Variants in SLC6A11 observed in about 807,000 individuals in gnomAD.
SLC6A11 encodes the protein solute carrier family 6 member 11, also known as sodium- and chloride-dependent GABA transporter 3.
Under a neutral mutation model 74.8 loss-of-function variants are expected in SLC6A11, and 25 were observed. The ratio of observed to expected loss-of-function variants is 0.33; its 90% CI spans 0.24 to 0.47. The LOEUF (loss-of-function observed/expected upper bound fraction) is 0.47, where lower values mean the gene tolerates loss of function less well. Among genes scored for constraint, SLC6A11 ranks in the 20% least tolerant of loss-of-function variants. The pLI, the probability that SLC6A11 is intolerant of heterozygous loss-of-function variation, is 1.00. For missense variants in SLC6A11, 574 were observed against 837.0 expected, an observed-to-expected ratio of 0.69 and a Z score of 3.88; for synonymous variants, 330 against 330.2, an observed-to-expected ratio of 1.00 and a Z score of 0.01.
At chr3:10,881,653 C>G (rs1243902092) in intron 6 of SLC6A11, among the ~76,000 whole-genome samples, 1 of 152,210 alleles carries the variant, frequency 6.6e-6, no homozygotes, top group East Asian at 1.9e-4. Context: ...GAGTTCACTT[C>G]TCTGCAAACA....
At chr3:10,838,503 C>G (rs1322979278) in intron 4 of SLC6A11, among the ~76,000 whole-genome samples, 1 of 152,190 alleles carries the variant, frequency 6.6e-6, no homozygotes, top group Non-Finnish European at 1.5e-5. Context: ...AATCTCAGCA[C>G]TTTGGGAAGC....
intron 6 of SLC6A11, among the ~76,000 whole-genome samples, chr3:10,879,909 C>T (rs902814824): frequency 1.1e-4 from 16 of 152,070 alleles, no homozygotes; most frequent in African/African-American, 3.6e-4. Flanking sequence ...TCAGATTAGA[C>T]ATACTCAACC....
chr3:10,845,673 G>C (rs1244065427), intron 5 of SLC6A11, among the ~76,000 whole-genome samples: 6 of 152,144 alleles, frequency 3.9e-5, no homozygotes, highest in African/African-American at 1.4e-4. Context: ...TCCATGCTAC[G>C]GGCTATCTGG....
At chr3:10,877,798 G>C (rs1230760521) in intron 6 of SLC6A11, among the ~76,000 whole-genome samples, 1 of 152,186 alleles carries the variant, frequency 6.6e-6, no homozygotes, top group Non-Finnish European at 1.5e-5. Context: ...CATTGGGCCT[G>C]CTCTGTTGAC....
chr3:10,928,020 C>T (rs2106633565), intron 9 of SLC6A11, among the ~76,000 whole-genome samples: 1 of 152,272 alleles, frequency 6.6e-6, no homozygotes, highest in South Asian at 2.1e-4. Flanking sequence ...CCTGGGTGAC[C>T]TTGGGTAAAT....
At chr3:10,850,546 ACCT>A (rs59892693) in intron 5 of SLC6A11, among the ~76,000 whole-genome samples, 15,740 of 152,050 alleles carry the variant, frequency 0.1, 1,309 homozygotes, top group African/African-American at 0.22. Flanking sequence ...AGGGCAGGTA[ACCT>A]CCTCAGAGAG....
chr3:10,839,599 G>T (rs759850346), intron 4 of SLC6A11, among the ~76,000 whole-genome samples: 3 of 152,182 alleles, frequency 2.0e-5, no homozygotes, highest in Non-Finnish European at 2.9e-5. Context: ...TGGGGGCTTG[G>T]TCGCAGGCCC....
In SLC6A11 at chr3:10,918,573, G is replaced by T; in HGVS notation, c.1120+120G>T. ...TCTCCTGGATTCAGGCCTCAGAAAG[G>T]GGCCCCACCATTCATCCACAATCCA... On this transcript the variant is annotated intron_variant, in intron 8 of 13. Coordinates refer to ENST00000254488, the MANE Select transcript of SLC6A11 (RefSeq NM_014229.3). The surrounding 1 kb of genome is among the most constrained non-coding windows in gnomAD (Gnocchi z 4.5). 1 of 1,178,446 alleles carries T rather than the reference G, an allele frequency of 8.5e-7. No individual in the cohort carries two copies. Among genetic ancestry groups the T allele is most frequent in the South Asian group, 1.7e-5 (1 of 59,482 alleles). The allele number at this position is 1,178,446 out of a possible 1,614,324, so 73.0% of individuals were successfully genotyped here.
chr3:10,926,925 C>T lies in SLC6A11; in HGVS notation c.1233+809C>T, dbSNP rs1008112818. On this transcript the variant is annotated intron_variant, in intron 9 of 13. Coordinates refer to ENST00000254488, the MANE Select transcript of SLC6A11 (RefSeq NM_014229.3). This position sits in a 1 kb window ranked among gnomAD's most constrained non-coding sequence, Gnocchi z 5.7. ...GGAGAACTTCCCCCAGCCACAGCCT[C>T]CCCGCCTCGGAGACTGGGGTCTCTT... Among the ~76,000 whole-genome samples the T allele has an allele frequency of 6.6e-6, 1 of 152,194 alleles. No individual in the cohort carries two copies. Among genetic ancestry groups the T allele is most frequent in the African/African-American group, 2.4e-5 (1 of 41,438 alleles).
At chr3:10,845,219 A>T (rs908255898) in intron 5 of SLC6A11, among the ~76,000 whole-genome samples, 2 of 152,122 alleles carry the variant, frequency 1.3e-5, no homozygotes, top group African/African-American at 4.8e-5. Flanking sequence ...AGATTTGGCA[A>T]CCCTGGACTT....
intron 6 of SLC6A11, among the ~76,000 whole-genome samples, chr3:10,885,372 A>G (rs1217640706): frequency 1.3e-5 from 2 of 152,098 alleles, no homozygotes; most frequent in African/African-American, 2.4e-5. Context: ...TGCCTCCCCT[A>G]TAAATCTCAT....
intron 5 of SLC6A11, among the ~76,000 whole-genome samples, chr3:10,853,011 G>A (rs1203942911): frequency 5.3e-5 from 8 of 152,270 alleles, no homozygotes; most frequent in East Asian, 1.9e-4. Flanking sequence ...GTGAGTTAGC[G>A]TGGGCCATCC....
chr3:10,870,514 T>C (rs1694816995), intron 5 of SLC6A11, among the ~76,000 whole-genome samples: 1 of 151,990 alleles, frequency 6.6e-6, no homozygotes, highest in Non-Finnish European at 1.5e-5. Context: ...GAGGGAAGAG[T>C]GGCAGTATGT....
chr3:10,898,252 A>G (rs1695194347), intron 6 of SLC6A11, among the ~76,000 whole-genome samples: 1 of 152,220 alleles, frequency 6.6e-6, no homozygotes. Context: ...GGGGATTAAC[A>G]TTCGGCTCCT....
At chr3:10,870,759 T>G (rs1358204460) in intron 5 of SLC6A11, among the ~76,000 whole-genome samples, 1 of 152,192 alleles carries the variant, frequency 6.6e-6, no homozygotes, top group Non-Finnish European at 1.5e-5. Flanking sequence ...CTTGTGTGCC[T>G]TACATAATGA....
chr3:10,844,942 C>G (rs565846771), intron 5 of SLC6A11, among the ~76,000 whole-genome samples: 2 of 152,296 alleles, frequency 1.3e-5, no homozygotes, highest in South Asian at 4.1e-4. Context: ...CACTCACAGG[C>G]TGTTGGCCAG....
chr3:10,921,753 G>C (rs1334348215), intron 8 of SLC6A11, among the ~76,000 whole-genome samples: 1 of 152,002 alleles, frequency 6.6e-6, no homozygotes, highest in Non-Finnish European at 1.5e-5. Flanking sequence ...GACACACTTT[G>C]AAGACACAGA....
At chr3:10,869,601 G>A (rs1694805737) in intron 5 of SLC6A11, among the ~76,000 whole-genome samples, 1 of 152,220 alleles carries the variant, frequency 6.6e-6, no homozygotes, top group Admixed American at 6.5e-5. Flanking sequence ...CAATAGCAGG[G>A]AACCTGGTAG....
At chr3:10,822,101 G>T (rs1559551484) in intron 3 of SLC6A11, among the ~76,000 whole-genome samples, 1 of 152,222 alleles carries the variant, frequency 6.6e-6, no homozygotes. Flanking sequence ...TTCTCTAAAG[G>T]TGTGTGAACA....
Sources: gnomAD v4.1 joint callset for allele counts (sites outside exome capture counted in the v4.1 genomes callset) on GRCh38, gnomAD v4.1.1 for gene constraint, Gnocchi (gnomAD v3.1) non-coding constraint, MANE v1.5 for transcripts, NCBI Gene and HGNC (gene_info 2026-07-23, HGNC 2026-07-21) for gene names.